Variants in WDR7 observed in about 807,000 individuals in gnomAD.
WDR7 encodes WD repeat-containing protein 7.
WDR7 carries 46 observed loss-of-function variants against 169.4 expected under a neutral mutation model. The observed-to-expected ratio is 0.27, with a 90% CI of 0.21 to 0.35. The LOEUF is 0.35. Among genes scored for constraint, WDR7 ranks in the 10% least tolerant of loss-of-function variants. The pLI is 1.00. For missense variants in WDR7, 1,534 were observed against 1,859.3 expected, an observed-to-expected ratio of 0.83 and a Z score of 3.22; for synonymous variants, 612 against 666.8, an observed-to-expected ratio of 0.92 and a Z score of 1.27.
chr18:56,736,361 G>T (rs2026698451), intron 14 of WDR7, among the ~76,000 whole-genome samples: 1 of 151,824 alleles, frequency 6.6e-6, no homozygotes, highest in Non-Finnish European at 1.5e-5. Flanking sequence ...GCAAAATCTT[G>T]GTATAGAATT....
chr18:56,701,136 A>G (rs1205790109), intron 12 of WDR7, among the ~76,000 whole-genome samples: 1 of 152,222 alleles, frequency 6.6e-6, no homozygotes, highest in Non-Finnish European at 1.5e-5. Flanking sequence ...GAAGGAGGAT[A>G]AGGTAAGTAT....
At chr18:56,777,151 G>A (rs763407063) in intron 17 of WDR7, among the ~76,000 whole-genome samples, 1 of 152,174 alleles carries the variant, frequency 6.6e-6, no homozygotes, top group Non-Finnish European at 1.5e-5. Context: ...TGATAAAGGT[G>A]GATTGGTTTT....
intron 1 of WDR7, among the ~76,000 whole-genome samples, chr18:56,667,003 ATGACT>A (rs1190292230): frequency 2.6e-5 from 4 of 152,292 alleles, no homozygotes; most frequent in African/African-American, 9.6e-5. Flanking sequence ...AACTTTTGAA[ATGACT>A]TGGTTTGGCA....
intron 14 of WDR7, among the ~76,000 whole-genome samples, chr18:56,751,125 A>G (rs2144907058): frequency 6.6e-6 from 1 of 151,914 alleles, no homozygotes; most frequent in Middle Eastern, 3.4e-3. Context: ...TGACACAATC[A>G]GTGCACTAAG....
intron 20 of WDR7, among the ~76,000 whole-genome samples, chr18:56,819,132 G>A (rs2045035928): frequency 6.6e-6 from 1 of 152,194 alleles, no homozygotes; most frequent in African/African-American, 2.4e-5. Context: ...AATGGGTTAG[G>A]TATGAATACT....
chr18:57,007,571 G>C lies in WDR7; in HGVS notation c.4165-13174G>C, dbSNP rs567458604. Among the ~76,000 whole-genome samples, 6 of 151,894 alleles carry C rather than the reference G, an allele frequency of 4.0e-5. No individual in the cohort carries two copies. The South Asian group carries it at 1.2e-3, about 32-fold the overall frequency. On this transcript the variant is annotated intron_variant, in intron 26 of 27. Transcript: ENST00000254442. ...GTCAGATAATTACTACTTGATAAAGGGTTATCATTTAAAAGTTTAAATACT... is the reference window on the plus strand; with the variant it reads ...GTCAGATAATTACTACTTGATAAAGCGTTATCATTTAAAAGTTTAAATACT...
Position 56,707,580 on chromosome 18 carries a change from G to A in WDR7, c.1579-10384G>A, listed in dbSNP as rs1262827087. 2.0e-5 allele frequency among the ~76,000 whole-genome samples: 3 copies of A among 152,202 alleles called. No homozygotes were observed. The South Asian group carries it at 6.2e-4, about 32-fold the overall frequency. On this transcript the variant is annotated intron_variant, in intron 12 of 27. Transcript: ENST00000254442. Reference sequence around the variant, plus strand: ...TGCCTGAAAATTGGGGTTTTCAACTGTCTGAGAAGCCCAAACTGGGTCATG... The same window carrying A: ...TGCCTGAAAATTGGGGTTTTCAACTATCTGAGAAGCCCAAACTGGGTCATG...
At chr18:57,030,173 T>A (rs1436171553), downstream of WDR7, 1 of 152,140 alleles carries the variant, frequency 6.6e-6, no homozygotes, top group Non-Finnish European at 1.5e-5. Context: ...CAGTTTGGAG[T>A]CGAATTTGAA....
chr18:56,801,480 A>G (rs2044671449), intron 19 of WDR7, among the ~76,000 whole-genome samples: 1 of 152,190 alleles, frequency 6.6e-6, no homozygotes, highest in Non-Finnish European at 1.5e-5. Flanking sequence ...AAATTTGTAT[A>G]CAATAAAGTT....
At chr18:56,700,252 C>CTTTTTTTTTTTTTTTT (rs1226348026) in intron 12 of WDR7, among the ~76,000 whole-genome samples, 15 of 67,248 alleles carry the variant, frequency 2.2e-4, no homozygotes, top group Non-Finnish European at 3.1e-4. Flanking sequence ...TTTTCATTTT[C>CTTTTTTTTTTTTTTTT]TTTTTTTTTT....
intron 16 of WDR7, among the ~76,000 whole-genome samples, chr18:56,765,280 C>G (rs544526775): frequency 1.3e-5 from 2 of 152,064 alleles, no homozygotes; most frequent in African/African-American, 4.8e-5. Flanking sequence ...TATCCTACTA[C>G]CTTATTTTTC....
In WDR7 at chr18:56,982,893, T is replaced by TA. The variant is rs1161355454; in HGVS notation, c.4164+20368dup. On this transcript the variant is annotated intron_variant, in intron 26 of 27. Coordinates refer to ENST00000254442, the MANE Select transcript of WDR7 (RefSeq NM_015285.3). ...CTAGTTTTCAAAATGAGGAAGCATC[T>TA]AAAATCTATGTCTGTCTTGGAGTAT... 2.6e-5 allele frequency among the ~76,000 whole-genome samples: 4 copies of TA among 152,190 alleles called. No homozygotes were observed. In the East Asian group the frequency reaches 7.7e-4, roughly 29 times the overall value.
intron 25 of WDR7, among the ~76,000 whole-genome samples, chr18:56,957,925 C>T (rs767298102): frequency 2.6e-5 from 4 of 152,102 alleles, no homozygotes; most frequent in Non-Finnish European, 5.9e-5. Flanking sequence ...AGTGATTTTA[C>T]AGGTTTCTAT....
chr18:56,655,849 GAC>G (rs995099537), intron 1 of WDR7, among the ~76,000 whole-genome samples: 6 of 152,138 alleles, frequency 3.9e-5, no homozygotes, highest in Non-Finnish European at 1.5e-5. Context: ...TGTTGAATGA[GAC>G]AGTTCTTGAG....
At chr18:56,682,471 A>G (rs1481446906) in intron 4 of WDR7, among the ~76,000 whole-genome samples, 1 of 152,206 alleles carries the variant, frequency 6.6e-6, no homozygotes, top group African/African-American at 2.4e-5. Context: ...AATTTTTGTT[A>G]GCTATTTAAA....
At chr18:56,842,248 G>C (rs891085587) in intron 20 of WDR7, among the ~76,000 whole-genome samples, 1 of 151,644 alleles carries the variant, frequency 6.6e-6, no homozygotes, top group South Asian at 2.1e-4. Flanking sequence ...CAAGGGGTCT[G>C]CATCTGGTGA....
intron 27 of WDR7, among the ~76,000 whole-genome samples, chr18:57,026,312 TA>T (rs2048365858): frequency 2.6e-5 from 4 of 152,204 alleles, no homozygotes; most frequent in Non-Finnish European, 4.4e-5. Flanking sequence ...TATCAATTGA[TA>T]AAAAGGTATT....
chr18:56,984,429 C>T (rs1379853957), intron 26 of WDR7, among the ~76,000 whole-genome samples: 4 of 152,128 alleles, frequency 2.6e-5, no homozygotes, highest in African/African-American at 9.7e-5. Context: ...ATAATTCACA[C>T]TTTCTAAAAT....
chr18:56,975,769 G>T (rs1298630238), intron 26 of WDR7, among the ~76,000 whole-genome samples: 1 of 152,088 alleles, frequency 6.6e-6, no homozygotes, highest in Non-Finnish European at 1.5e-5. Flanking sequence ...CACACCGGAG[G>T]GCACATGCTG....
Sources: allele counts gnomAD v4.1 joint callset (sites outside exome capture counted in the v4.1 genomes callset), GRCh38; gene constraint gnomAD v4.1.1; transcripts MANE v1.5; gene names NCBI Gene and HGNC (gene_info 2026-07-23, HGNC 2026-07-21).